ERBB4: variants seen among roughly 807,000 people sequenced by gnomAD.
The protein encoded by ERBB4 is erb-b2 receptor tyrosine kinase 4.
A neutral mutation model predicts 158.0 loss-of-function variants in ERBB4; 42 were observed. The ratio of observed to expected loss-of-function variants is 0.27; its 90% CI spans 0.21 to 0.34. ERBB4 has a LOEUF of 0.34. ERBB4 is among the 10% of genes least tolerant of loss of function. The pLI is 1.00. For missense variants in ERBB4, 1,333 were observed against 1,624.1 expected (o/e 0.82, Z 3.08); for synonymous variants, 583 against 558.7 (o/e 1.04, Z -0.61).
At chr2:212,284,323 ACT>A (rs1449517936) in intron 1 of ERBB4, among the ~76,000 whole-genome samples, 1 of 151,844 alleles carries the variant, frequency 6.6e-6, no homozygotes, top group Non-Finnish European at 1.5e-5. Context: ...CTGCCTCTGA[ACT>A]CTGTCTAATT....
intron 12 of ERBB4, among the ~76,000 whole-genome samples, chr2:211,688,103 C>T (rs57059157): frequency 0.011 from 1,618 of 152,180 alleles, 33 homozygotes; most frequent in African/African-American, 0.037. Flanking sequence ...TTACTATTTT[C>T]GATTTAGCAT....
At chr2:212,041,243 A>T (rs1464485142) in intron 2 of ERBB4, among the ~76,000 whole-genome samples, 1 of 152,180 alleles carries the variant, frequency 6.6e-6, no homozygotes, top group Non-Finnish European at 1.5e-5. Flanking sequence ...ACAAAATTAT[A>T]GCTGCCTACC....
chr2:211,941,436 T>C (rs1056153752), intron 3 of ERBB4, among the ~76,000 whole-genome samples: 21 of 152,200 alleles, frequency 1.4e-4, no homozygotes, highest in East Asian at 3.9e-4. Context: ...TTAGCAACTC[T>C]TGTGTAAGAA....
Position 211,834,306 on chromosome 2 carries a change from G to T in ERBB4, c.422-46147C>A, listed in dbSNP as rs191053752. Among the ~76,000 whole-genome samples, 64 of 152,196 alleles carry T rather than the reference G, an allele frequency of 4.2e-4. 1 individual carries two copies. The South Asian group carries it at 6.0e-3, about 14-fold the overall frequency. On this transcript the variant is annotated intron_variant, in intron 3 of 27. Coordinates refer to ENST00000342788, the MANE Select transcript of ERBB4 (RefSeq NM_005235.3). ...GAATTCTAGTCCCCTGGAAAGGCAG[G>T]TGGCAAAGTCACTGCGACTGCTCAA...
intron 19 of ERBB4, among the ~76,000 whole-genome samples, chr2:211,583,930 T>A (rs929704493): frequency 5.3e-5 from 8 of 150,914 alleles, no homozygotes. Context: ...ATTCAAACAA[T>A]TTAAAATGCA....
intron 2 of ERBB4, among the ~76,000 whole-genome samples, chr2:212,072,233 A>G (rs1432576291): frequency 6.6e-6 from 1 of 151,966 alleles, no homozygotes; most frequent in Admixed American, 6.6e-5. Flanking sequence ...CCTGGGATTA[A>G]GAGGATGGAA....
chr2:211,692,177 C>T (rs1020621156), intron 12 of ERBB4, among the ~76,000 whole-genome samples: 28 of 152,228 alleles, frequency 1.8e-4, no homozygotes, highest in South Asian at 6.2e-4. Context: ...CATATGCCTG[C>T]CAGGGCCAGT....
intron 1 of ERBB4, among the ~76,000 whole-genome samples, chr2:212,203,578 A>C (rs1179393269): frequency 6.6e-6 from 1 of 152,216 alleles, no homozygotes; most frequent in East Asian, 1.9e-4. Flanking sequence ...TTAATGAATC[A>C]TTCTATACTT....
chr2:212,171,077 C>T (rs2081503715), intron 1 of ERBB4, among the ~76,000 whole-genome samples: 1 of 152,120 alleles, frequency 6.6e-6, no homozygotes, highest in South Asian at 2.1e-4. Flanking sequence ...GGAATATGAC[C>T]TGCAAAGCCA....
At chr2:211,453,093 AG>A (rs1429047792) in intron 20 of ERBB4, among the ~76,000 whole-genome samples, 2 of 152,194 alleles carry the variant, frequency 1.3e-5, no homozygotes, top group African/African-American at 2.4e-5. Context: ...TAGCTTCTCA[AG>A]GATTTGCTGT....
At chr2:212,220,962 C>T (rs552303748) in intron 1 of ERBB4, among the ~76,000 whole-genome samples, 8 of 151,542 alleles carry the variant, frequency 5.3e-5, no homozygotes, top group Admixed American at 3.3e-4. Context: ...AGCAGGTGTT[C>T]CATATATTTA....
intron 21 of ERBB4, among the ~76,000 whole-genome samples, chr2:211,430,647 C>T (rs1461025063): frequency 6.6e-6 from 1 of 152,126 alleles, no homozygotes; most frequent in East Asian, 1.9e-4. Context: ...GATCCACCCA[C>T]TTTCCATCAC....
chr2:211,913,619 ATGTGTGTGTGTGTGTGTG>A (rs34762084), intron 3 of ERBB4, among the ~76,000 whole-genome samples: 3 of 132,746 alleles, frequency 2.3e-5, no homozygotes, highest in Non-Finnish European at 4.7e-5. Flanking sequence ...ATATATATAT[ATGTGTGTGTGTGTGTGTG>A]TGTGTGTGTG....
chr2:212,292,663 T>G (rs1204975862), intron 1 of ERBB4, among the ~76,000 whole-genome samples: 1 of 152,046 alleles, frequency 6.6e-6, no homozygotes, highest in African/African-American at 2.4e-5. Flanking sequence ...ACAGTTCAGA[T>G]TGTTGATGCT....
chr2:212,495,769 A>G (rs911140700), intron 1 of ERBB4, among the ~76,000 whole-genome samples: 1 of 152,218 alleles, frequency 6.6e-6, no homozygotes, highest in Non-Finnish European at 1.5e-5. Flanking sequence ...CGAATGTCAT[A>G]CAGGTACAGA....
At chr2:211,416,740 A>G (rs1291473190) in intron 25 of ERBB4, among the ~76,000 whole-genome samples, 1 of 151,922 alleles carries the variant, frequency 6.6e-6, no homozygotes, top group East Asian at 1.9e-4. Flanking sequence ...CCTCTAACCA[A>G]TGGCTTCTAG....
intron 12 of ERBB4, among the ~76,000 whole-genome samples, chr2:211,685,447 T>G (rs1489509268): frequency 1.3e-5 from 2 of 152,218 alleles, no homozygotes; most frequent in Non-Finnish European, 2.9e-5. Flanking sequence ...TATATTTGTG[T>G]CAGTTATTTC....
At chr2:212,191,606 GCCTGTTATATATAACACATGTGTTA>G (rs2082210246) in intron 1 of ERBB4, among the ~76,000 whole-genome samples, 2 of 135,394 alleles carry the variant, frequency 1.5e-5, no homozygotes, top group African/African-American at 5.5e-5. Flanking sequence ...CATGTGTTAT[GCCTGTTATATATAACACATGTGTTA>G]TGCATGCTAT....
At chr2:212,234,774 G>T (rs909499304) in intron 1 of ERBB4, among the ~76,000 whole-genome samples, 1 of 152,142 alleles carries the variant, frequency 6.6e-6, no homozygotes, top group Non-Finnish European at 1.5e-5. Context: ...CTGCATAAAT[G>T]TCTTCTTTTG....
Sources: gnomAD v4.1 joint callset for allele counts (sites outside exome capture counted in the v4.1 genomes callset) on GRCh38, gnomAD v4.1.1 for gene constraint, MANE v1.5 for transcripts, NCBI Gene and HGNC (gene_info 2026-07-23, HGNC 2026-07-21) for gene names.